The following RFTN2 variants were observed in gnomAD, a reference collection of about 807,000 sequenced individuals.
RFTN2 encodes the protein raftlin family member 2, also known as raftlin-2.
A neutral mutation model predicts 52.7 loss-of-function variants in RFTN2; 34 were observed. That is an observed-to-expected ratio of 0.64 (90% CI 0.49 to 0.86). The LOEUF (loss-of-function observed/expected upper bound fraction) is 0.86, where lower values mean the gene tolerates loss of function less well. RFTN2 is among the 40% of genes least tolerant of loss of function. The pLI is 0.00. For synonymous variants in RFTN2, 203 were observed against 217.7 expected (o/e 0.93, Z 0.59); for missense variants, 536 against 600.1 (o/e 0.89, Z 1.12).
At chr2:197,588,477 G>T (rs2087637380) in intron 8 of RFTN2, among the ~76,000 whole-genome samples, 1 of 152,190 alleles carries the variant, frequency 6.6e-6, no homozygotes, top group Non-Finnish European at 1.5e-5. Flanking sequence ...TGGCCTCCCA[G>T]AGTGCTGGGA....
chr2:197,672,652 G>T (rs948761580), intron 1 of RFTN2, among the ~76,000 whole-genome samples: 3 of 152,062 alleles, frequency 2.0e-5, no homozygotes, highest in African/African-American at 7.2e-5. Flanking sequence ...ACTCTGTGAC[G>T]TCAGCACCAT....
chr2:197,637,324 G>T (rs1224420011), intron 3 of RFTN2, among the ~76,000 whole-genome samples: 1 of 152,080 alleles, frequency 6.6e-6, no homozygotes. Context: ...GGTACCAGTT[G>T]TTCCTTGTAC....
chr2:197,580,513 C>T (rs548171335), intron 8 of RFTN2, among the ~76,000 whole-genome samples: 1 of 152,378 alleles, frequency 6.6e-6, no homozygotes, highest in Non-Finnish European at 1.5e-5. Context: ...GGCAGCCACT[C>T]CCAGAGCCCC....
At chr2:197,599,264 G>C (rs565980305) in intron 7 of RFTN2, among the ~76,000 whole-genome samples, 9 of 152,262 alleles carry the variant, frequency 5.9e-5, no homozygotes, top group Non-Finnish European at 1.2e-4. Context: ...AATGTGACTT[G>C]TGTCCTTAAA....
chr2:197,611,575 T>C (rs1177091495), intron 7 of RFTN2, among the ~76,000 whole-genome samples: 3 of 152,200 alleles, frequency 2.0e-5, no homozygotes, highest in African/African-American at 4.8e-5. Context: ...CCTGGATTCA[T>C]TGACTTTTTG....
intron 8 of RFTN2, among the ~76,000 whole-genome samples, chr2:197,583,692 A>G (rs929258241): frequency 4.6e-5 from 7 of 150,694 alleles, no homozygotes; most frequent in Non-Finnish European, 1.0e-4. Flanking sequence ...GGTTTGTTAC[A>G]TATGTATACA....
chr2:197,634,130 C>T (rs2088517587), intron 3 of RFTN2, 133 bp from the exon 4 acceptor site: 1 of 712,156 alleles, frequency 1.4e-6, no homozygotes, highest in Admixed American at 2.9e-5. Flanking sequence ...AAGACTCATT[C>T]ATAAACTAAT....
chr2:197,634,731 ATTT>A (rs961750018), intron 3 of RFTN2, among the ~76,000 whole-genome samples: 2 of 149,732 alleles, frequency 1.3e-5, no homozygotes, highest in African/African-American at 4.9e-5. Context: ...TTATTTATTT[ATTT>A]ATTTATTTAT....
At chr2:197,608,363 G>A (rs935961336) in intron 7 of RFTN2, among the ~76,000 whole-genome samples, 4 of 148,764 alleles carry the variant, frequency 2.7e-5, no homozygotes, top group Non-Finnish European at 4.4e-5. Context: ...CCAGGCTGGC[G>A]TGCAGTGGCA....
Position 197,675,427 on chromosome 2 carries a change from G to C in RFTN2, c.32C>G (p.Pro11Arg). MGCGLRKLED[P>R]DDSSPGKIFS... ...TATTTTTCCAGGGCTGCTATCATCA[G>C]GGTCTTCTAGCTTTCTAAGTCCGCA... The change falls in exon 1 of 9, where the codon CCT becomes CGT. Residue 11 changes from proline to arginine, a missense_variant. By Grantham distance (103) the Pro-to-Arg change is moderately radical. Coordinates refer to ENST00000295049, the MANE Select transcript of RFTN2 (RefSeq NM_144629.3). 1 of 1,598,848 alleles carries C rather than the reference G, an allele frequency of 6.3e-7. No individual in the cohort carries two copies. The highest frequency in any genetic ancestry group is 8.5e-7 in the Non-Finnish European group (1 of 1,172,870).
At chr2:197,642,929 T>A (rs2088695465) in intron 3 of RFTN2, among the ~76,000 whole-genome samples, 1 of 152,166 alleles carries the variant, frequency 6.6e-6, no homozygotes, top group Non-Finnish European at 1.5e-5. Context: ...CAGCGAGCTA[T>A]GATTGTGCCA....
chr2:197,576,358 G>A (rs2087419815), intron 8 of RFTN2, among the ~76,000 whole-genome samples: 1 of 151,964 alleles, frequency 6.6e-6, no homozygotes, highest in Non-Finnish European at 1.5e-5. Flanking sequence ...TGATAACATG[G>A]CAGATATTAG....
chr2:197,625,685 TCTC>T (rs2088343914), intron 5 of RFTN2, among the ~76,000 whole-genome samples: 1 of 127,574 alleles, frequency 7.8e-6, no homozygotes, highest in Non-Finnish European at 1.7e-5. Context: ...TCTCCTCTCC[TCTC>T]CTCTCCTCTC....
rs767235780 is a variant in RFTN2, at chr2:197,675,509, A to G, written c.-51T>C. The stretch of plus-strand genomic sequence containing the variant: ...GCAGGAAAGGGGAGGGAGAGCAGCA[A>G]ATTCTGTTGTTTAAGCTGCAAAAAG... On this transcript the variant is annotated 5_prime_UTR_variant, in exon 1 of 9. Transcript: ENST00000295049. 1 of 1,259,030 alleles carries G rather than the reference A, an allele frequency of 7.9e-7. No individual in the cohort carries two copies. The highest frequency in any genetic ancestry group is 1.0e-6 in the Non-Finnish European group (1 of 974,576). The allele number at this position is 1,259,030 out of a possible 1,614,324, so 78.0% of individuals were successfully genotyped here.
At chr2:197,602,009 G>A (rs1185184549) in intron 7 of RFTN2, among the ~76,000 whole-genome samples, 2 of 152,004 alleles carry the variant, frequency 1.3e-5, no homozygotes, top group African/African-American at 4.8e-5. Flanking sequence ...AAACAAACAA[G>A]CAACAAAAAT....
At chr2:197,600,583 T>TG in intron 7 of RFTN2, among the ~76,000 whole-genome samples, 2 of 152,298 alleles carry the variant, frequency 1.3e-5, no homozygotes, top group Middle Eastern at 3.4e-3. Context: ...AAGTCCCTTA[T>TG]GGTTCTCAGT....
chr2:197,635,249 C>G (rs1046029327), intron 3 of RFTN2, among the ~76,000 whole-genome samples: 2 of 152,064 alleles, frequency 1.3e-5, no homozygotes, highest in African/African-American at 4.8e-5. Context: ...TGGGTATATA[C>G]CCAGTAATGG....
chr2:197,674,399 A>G (rs2089189348), intron 1 of RFTN2, among the ~76,000 whole-genome samples: 3 of 151,334 alleles, frequency 2.0e-5, no homozygotes, highest in Admixed American at 2.0e-4. Context: ...TTTGGAAAAA[A>G]ATTAAGATAA....
chr2:197,647,857 T>C (rs546398836), intron 1 of RFTN2, among the ~76,000 whole-genome samples: 6 of 152,322 alleles, frequency 3.9e-5, no homozygotes, highest in Admixed American at 1.3e-4. Context: ...CTGTACAGAC[T>C]TTAGAGTAGT....
Sources: allele counts gnomAD v4.1 joint callset (sites outside exome capture counted in the v4.1 genomes callset), GRCh38; gene constraint gnomAD v4.1.1; transcripts MANE v1.5; gene names NCBI Gene and HGNC (gene_info 2026-07-23, HGNC 2026-07-21).